SGCZ: variants seen among roughly 807,000 people sequenced by gnomAD.
The protein encoded by SGCZ is sarcoglycan zeta.
SGCZ carries 40 observed loss-of-function variants against 41.3 expected under a neutral mutation model. That is an observed-to-expected ratio of 0.97 (90% CI 0.75 to 1.26). The LOEUF (loss-of-function observed/expected upper bound fraction) is 1.26. Ranked by LOEUF, SGCZ falls within the 50% of genes most tolerant of loss-of-function variation. The pLI is 0.00. For synonymous variants in SGCZ, 206 were observed against 137.5 expected (o/e 1.50, Z -3.49); for missense variants, 552 against 369.8 (o/e 1.49, Z -4.04).
chr8:14,949,804 G>C (rs1355563438), intron 1 of SGCZ, among the ~76,000 whole-genome samples: 1 of 152,050 alleles, frequency 6.6e-6, no homozygotes, highest in African/African-American at 2.4e-5. Flanking sequence ...CAAGGCAGAT[G>C]AGAAATGAAG....
chr8:14,253,769 T>C lies in SGCZ; in HGVS notation c.337-16090A>G, dbSNP rs551535395. 5.9e-5 allele frequency among the ~76,000 whole-genome samples: 9 copies of C among 152,236 alleles called. No individual in the cohort carries two copies. In the East Asian group the frequency reaches 1.7e-3, roughly 29 times the overall value. ...GCTTTACAGAACGAGCTATCTATAT[T>C]AAAACAGTAGAAACAACTAGAAATT... On this transcript the variant is annotated intron_variant, in intron 3 of 7. Transcript: ENST00000382080.
intron 1 of SGCZ, among the ~76,000 whole-genome samples, chr8:14,822,808 T>C (rs774975420): frequency 1.8e-4 from 27 of 151,986 alleles, no homozygotes; most frequent in African/African-American, 5.8e-4. Context: ...TTTCATGATA[T>C]ACAAAAGTAA....
At chr8:14,750,841 G>T (rs989308698) in intron 1 of SGCZ, among the ~76,000 whole-genome samples, 1 of 152,134 alleles carries the variant, frequency 6.6e-6, no homozygotes, top group African/African-American at 2.4e-5. Context: ...GCCTATTCAG[G>T]TTTGTGATTT....
intron 1 of SGCZ, among the ~76,000 whole-genome samples, chr8:14,866,741 A>C (rs60485468): frequency 0.059 from 8,926 of 152,082 alleles, 538 homozygotes; most frequent in African/African-American, 0.16. Context: ...GACCCAGAAG[A>C]CTTGATCTCA....
chr8:14,791,377 G>A (rs555882503), intron 1 of SGCZ, among the ~76,000 whole-genome samples: 8 of 152,026 alleles, frequency 5.3e-5, no homozygotes, highest in African/African-American at 1.2e-4. Flanking sequence ...GTGGGAGTGC[G>A]CCTCTAGGAG....
intron 1 of SGCZ, among the ~76,000 whole-genome samples, chr8:15,085,295 C>T (rs760578755): frequency 7.2e-5 from 11 of 152,120 alleles, no homozygotes; most frequent in Non-Finnish European, 1.6e-4. Flanking sequence ...CCCCTCAATG[C>T]CTAGCACCTT....
At chr8:14,095,587 CTCT>C (rs1269601091) in intron 7 of SGCZ, among the ~76,000 whole-genome samples, 1 of 152,122 alleles carries the variant, frequency 6.6e-6, no homozygotes, top group Non-Finnish European at 1.5e-5. Flanking sequence ...GCTATGCAGG[CTCT>C]TTTTTGCTTC....
chr8:14,580,701 A>G (rs17119855), intron 1 of SGCZ, among the ~76,000 whole-genome samples: 27,289 of 152,186 alleles, frequency 0.18, 2,539 homozygotes, highest in Admixed American at 0.21. Context: ...CTTTTGGCAA[A>G]TAATTATGGC....
intron 1 of SGCZ, among the ~76,000 whole-genome samples, chr8:15,200,807 G>A (rs1282028108): frequency 6.6e-6 from 1 of 152,128 alleles, no homozygotes; most frequent in Non-Finnish European, 1.5e-5. Flanking sequence ...ACGTCTGCCT[G>A]ACCCAAAGTC....
At chr8:14,862,166 G>T (rs567344570) in intron 1 of SGCZ, among the ~76,000 whole-genome samples, 133 of 152,008 alleles carry the variant, frequency 8.7e-4, no homozygotes, top group Non-Finnish European at 1.7e-3. Flanking sequence ...TTTTAAAGAG[G>T]TGTTGATATA....
In SGCZ at chr8:14,342,745, G is replaced by GA. The variant is rs773945449; in HGVS notation, c.235-18542dup. Among the ~76,000 whole-genome samples, 4 of 152,136 alleles carry GA rather than the reference G, an allele frequency of 2.6e-5. No homozygotes were observed. In the East Asian group the frequency reaches 7.7e-4, roughly 29 times the overall value. On this transcript the variant is annotated intron_variant, in intron 2 of 7. Transcript: ENST00000382080. ...TGCAGGCTGATTATGTGATAGAAAA[G>GA]AAAAACCCATTTTCTGGGGAAAAAT...
intron 1 of SGCZ, among the ~76,000 whole-genome samples, chr8:14,582,023 C>G (rs1221698587): frequency 6.6e-6 from 1 of 152,128 alleles, no homozygotes; most frequent in Non-Finnish European, 1.5e-5. Flanking sequence ...CCTTCCTCTT[C>G]TCCCTCCTCC....
chr8:14,421,372 C>G (rs1428871694), intron 2 of SGCZ, among the ~76,000 whole-genome samples: 1 of 152,084 alleles, frequency 6.6e-6, no homozygotes, highest in Non-Finnish European at 1.5e-5. Context: ...GTCCCCATGT[C>G]AGAAGAATCA....
At chr8:15,010,143 A>G (rs866110755) in intron 1 of SGCZ, among the ~76,000 whole-genome samples, 11 of 152,200 alleles carry the variant, frequency 7.2e-5, no homozygotes, top group African/African-American at 2.4e-4. Context: ...GTGAGAAAAA[A>G]CTTAGCCTTG....
chr8:15,170,664 T>C (rs1799801042), intron 1 of SGCZ, among the ~76,000 whole-genome samples: 1 of 152,202 alleles, frequency 6.6e-6, no homozygotes, highest in Non-Finnish European at 1.5e-5. Flanking sequence ...TGCACGCTCT[T>C]TCAAAAGCAA....
intron 1 of SGCZ, among the ~76,000 whole-genome samples, chr8:14,975,315 A>C (rs1801429369): frequency 6.6e-6 from 1 of 152,010 alleles, no homozygotes; most frequent in South Asian, 2.1e-4. Context: ...CAAAAGCAAA[A>C]ACAAAAACAA....
At position 14,932,577 on chromosome 8, in the gene SGCZ, A is replaced by G. The variant is rs143435274; in HGVS notation, c.39+305008T>C. ...CTATTATACTCTAGCTACTGAAATTATAACATATTTTACTAAAAGAACCAT... is the reference window on the plus strand; with the variant it reads ...CTATTATACTCTAGCTACTGAAATTGTAACATATTTTACTAAAAGAACCAT... On this transcript the variant is annotated intron_variant, in intron 1 of 7. Coordinates refer to ENST00000382080, the MANE Select transcript of SGCZ (RefSeq NM_139167.4). Among the ~76,000 whole-genome samples the G allele has an allele frequency of 2.1e-4, 32 of 152,158 alleles. 1 individual carries two copies. The highest frequency in any genetic ancestry group is 7.5e-4 in the African/African-American group (31 of 41,424).
chr8:14,800,737 G>A (rs1163831822), intron 1 of SGCZ, among the ~76,000 whole-genome samples: 2 of 152,112 alleles, frequency 1.3e-5, no homozygotes, highest in African/African-American at 2.4e-5. Context: ...GCCATATGGA[G>A]GAGTGAGTCA....
At chr8:14,971,236 C>A (rs906078701) in intron 1 of SGCZ, among the ~76,000 whole-genome samples, 1 of 152,030 alleles carries the variant, frequency 6.6e-6, no homozygotes. Context: ...CTTGTAGAGG[C>A]TTTATTAAAT....
Sources: gnomAD v4.1 joint callset for allele counts (sites outside exome capture counted in the v4.1 genomes callset) on GRCh38, gnomAD v4.1.1 for gene constraint, MANE v1.5 for transcripts, NCBI Gene and HGNC (gene_info 2026-07-23, HGNC 2026-07-21) for gene names.